Variants in RBM33 observed in about 807,000 individuals in gnomAD.
RBM33 encodes RNA binding motif protein 33, also known as RNA-binding protein 33.
A neutral mutation model predicts 132.6 loss-of-function variants in RBM33; 28 were observed. That is an observed-to-expected ratio of 0.21 (90% CI 0.16 to 0.29). RBM33 has a LOEUF of 0.29. Ranked by LOEUF, RBM33 falls within the 10% of genes least tolerant of loss-of-function variation. RBM33 has a pLI of 1.00. For synonymous variants in RBM33, 634 were observed against 593.0 expected, an observed-to-expected ratio of 1.07 and a Z score of -1.01; for missense variants, 1,291 against 1,518.5, an observed-to-expected ratio of 0.85 and a Z score of 2.49.
intron 9 of RBM33, among the ~76,000 whole-genome samples, chr7:155,731,576 G>A (rs1780054013): frequency 6.6e-6 from 1 of 152,202 alleles, no homozygotes; most frequent in Admixed American, 6.5e-5. Flanking sequence ...TCTTCAGCAT[G>A]GATCCTCTGG....
intron 16 of RBM33, among the ~76,000 whole-genome samples, chr7:155,770,045 C>A (rs1216770161): frequency 6.6e-6 from 1 of 152,032 alleles, no homozygotes; most frequent in African/African-American, 2.4e-5. Flanking sequence ...GATGGGACAA[C>A]CAGGAGTGAA....
chr7:155,668,463 A>T (rs571935910), intron 2 of RBM33, among the ~76,000 whole-genome samples: 17 of 152,270 alleles, frequency 1.1e-4, no homozygotes, highest in African/African-American at 3.9e-4. Context: ...GAGTTAATAG[A>T]AGTGGATGGG....
At chr7:155,724,511 G>A (rs1039165820) in intron 9 of RBM33, among the ~76,000 whole-genome samples, 1 of 152,208 alleles carries the variant, frequency 6.6e-6, no homozygotes, top group African/African-American at 2.4e-5. Flanking sequence ...CTGGGCGATG[G>A]AGCGAGACTC....
At chr7:155,706,687 TTG>T (rs918205916) in intron 6 of RBM33, 171 bp from the exon 7 acceptor site, 5 of 585,716 alleles carry the variant, frequency 8.5e-6, no homozygotes, top group African/African-American at 1.9e-5. Context: ...CACTAGTGGG[TTG>T]TGTGTGTTGC....
intron 5 of RBM33, among the ~76,000 whole-genome samples, chr7:155,692,440 C>T (rs1409754052): frequency 6.6e-6 from 1 of 152,186 alleles, no homozygotes. Flanking sequence ...GCTACAGATG[C>T]AGTGTCTTCC....
rs1037502818 is a variant in RBM33, at chr7:155,685,120, T to A, written c.567+4212T>A. ...CCCTCCCCCAGACTTAAAATGAGCA[T>A]CTTTTTAGCATTAGCGAAAGTCGAT... On this transcript the variant is annotated intron_variant, in intron 5 of 17. Transcript: ENST00000401878. The A allele has an allele frequency of 4.0e-6, 6 of 1,487,438 alleles. No homozygotes were observed. The African/African-American group carries it at 4.2e-5, about 10-fold the overall frequency. 92.1% of individuals were successfully genotyped at this position (1,487,438 alleles called of 1,614,324 possible). A position where few individuals can be genotyped will look rare whatever the true frequency, so the allele number is the denominator to read the frequency against.
chr7:155,649,453 T>G (rs554906824), intron 1 of RBM33, among the ~76,000 whole-genome samples: 6 of 152,260 alleles, frequency 3.9e-5, no homozygotes, highest in Non-Finnish European at 7.3e-5. Context: ...TGAAAAAATA[T>G]AATTGTATCC....
intron 2 of RBM33, 29 bp downstream of exon 2, chr7:155,665,282 G>A (rs1354494707): frequency 3.8e-6 from 6 of 1,595,878 alleles, no homozygotes; most frequent in Non-Finnish European, 5.2e-6. Flanking sequence ...TCACCTAACT[G>A]CCTGTGCCGA....
chr7:155,772,215 G>A (rs544660748), intron 16 of RBM33, among the ~76,000 whole-genome samples: 94 of 152,248 alleles, frequency 6.2e-4, no homozygotes, highest in Non-Finnish European at 1.2e-3. Context: ...TGCTGTTGCC[G>A]GAAGAACGGA....
intron 6 of RBM33, among the ~76,000 whole-genome samples, chr7:155,704,148 A>G (rs1391301472): frequency 1.3e-5 from 2 of 152,172 alleles, no homozygotes; most frequent in Non-Finnish European, 2.9e-5. Context: ...ACATTCATAT[A>G]TATGACAGCC....
intron 16 of RBM33, among the ~76,000 whole-genome samples, chr7:155,771,239 A>G (rs1248200109): frequency 6.6e-6 from 1 of 152,158 alleles, no homozygotes; most frequent in Non-Finnish European, 1.5e-5. Flanking sequence ...TTCACAGTGG[A>G]AGCTGGCGAC....
chr7:155,702,620 A>G (rs1800000646), intron 6 of RBM33, among the ~76,000 whole-genome samples: 3 of 152,202 alleles, frequency 2.0e-5, no homozygotes, highest in African/African-American at 4.8e-5. Flanking sequence ...GAGCAGAGAC[A>G]TGTCAGTCTT....
At chr7:155,771,550 A>G (rs1011696017) in intron 16 of RBM33, among the ~76,000 whole-genome samples, 5 of 152,186 alleles carry the variant, frequency 3.3e-5, no homozygotes, top group African/African-American at 1.2e-4. Context: ...TTCTCAATCA[A>G]ATCGAGGTTT....
intron 3 of RBM33, among the ~76,000 whole-genome samples, chr7:155,673,174 C>A (rs948748328): frequency 6.6e-6 from 1 of 151,234 alleles, no homozygotes; most frequent in Non-Finnish European, 1.5e-5. Context: ...TGGATTGTGA[C>A]AGCGTTAACA....
At chr7:155,758,613 G>T (rs1461479772) in intron 14 of RBM33, among the ~76,000 whole-genome samples, 1 of 152,200 alleles carries the variant, frequency 6.6e-6, no homozygotes, top group African/African-American at 2.4e-5. Flanking sequence ...GGTAGTGAGG[G>T]TTGGGGACCC....
chr7:155,713,515 G>A (rs1001732533), intron 8 of RBM33, among the ~76,000 whole-genome samples: 1 of 152,090 alleles, frequency 6.6e-6, no homozygotes, highest in African/African-American at 2.4e-5. Context: ...CAAAGGAGCC[G>A]AGAGGGAGGA....
chr7:155,749,081 A>G (rs570462847), intron 14 of RBM33, among the ~76,000 whole-genome samples: 1 of 152,152 alleles, frequency 6.6e-6, no homozygotes, highest in South Asian at 2.1e-4. Context: ...TCCTGTTTGA[A>G]TAGTTGTCTG....
chr7:155,690,682 G>T (rs1799612225), intron 5 of RBM33, among the ~76,000 whole-genome samples: 1 of 152,104 alleles, frequency 6.6e-6, no homozygotes, highest in Non-Finnish European at 1.5e-5. Context: ...AAATCTCTGA[G>T]CATTTGCTTG....
chr7:155,706,493 C>G (rs1421081701), intron 6 of RBM33, among the ~76,000 whole-genome samples: 1 of 151,760 alleles, frequency 6.6e-6, no homozygotes, highest in Non-Finnish European at 1.5e-5. Flanking sequence ...GACTCTGTCT[C>G]GGGGGGAAAA....
Sources: allele counts gnomAD v4.1 joint callset (sites outside exome capture counted in the v4.1 genomes callset), GRCh38; gene constraint gnomAD v4.1.1; transcripts MANE v1.5; gene names NCBI Gene and HGNC (gene_info 2026-07-23, HGNC 2026-07-21).